Variants in CDYL observed in about 807,000 individuals in gnomAD.
The protein encoded by CDYL is chromodomain Y-like protein.
A neutral mutation model predicts 47.3 loss-of-function variants in CDYL; 8 were observed. The observed-to-expected ratio is 0.17, with a 90% confidence interval of 0.10 to 0.31. The LOEUF (loss-of-function observed/expected upper bound fraction) is 0.31. Ranked by LOEUF, CDYL falls within the 10% of genes least tolerant of loss-of-function variation. The probability of loss-of-function intolerance (pLI) is 1.00; values close to 1 mark genes in which losing one functional copy is unlikely to be tolerated. For synonymous variants in CDYL, 266 were observed against 265.0 expected (o/e 1.00, Z -0.04); for missense variants, 471 against 701.4 (o/e 0.67, Z 3.71).
chr6:4,856,343 G>A (rs1761006102), intron 1 of CDYL, among the ~76,000 whole-genome samples: 2 of 152,220 alleles, frequency 1.3e-5, no homozygotes, highest in Admixed American at 6.5e-5. Context: ...TTTCCTGAGT[G>A]AAGTGAAGAG....
chr6:4,926,777 G>A (rs1286789410), intron 2 of CDYL, among the ~76,000 whole-genome samples: 2 of 151,984 alleles, frequency 1.3e-5, no homozygotes, highest in East Asian at 1.9e-4. Flanking sequence ...TGGAAACATT[G>A]TTGATATCTG....
At chr6:4,804,233 T>C (rs938499698) in intron 1 of CDYL, among the ~76,000 whole-genome samples, 1 of 152,164 alleles carries the variant, frequency 6.6e-6, no homozygotes, top group African/African-American at 2.4e-5. Context: ...AGCAGTGGCC[T>C]CGCCCAGTCA....
intron 2 of CDYL, among the ~76,000 whole-genome samples, chr6:4,729,367 A>G (rs1384529869): frequency 1.3e-5 from 2 of 152,158 alleles, no homozygotes; most frequent in African/African-American, 2.4e-5. Flanking sequence ...ACCAGAATCA[A>G]CAAGTCGACT....
intron 1 of CDYL, among the ~76,000 whole-genome samples, chr6:4,810,968 A>G (rs1759510560): frequency 2.0e-5 from 3 of 152,254 alleles, no homozygotes; most frequent in African/African-American, 7.2e-5. Context: ...ATTTGTGTCT[A>G]TTCAGTTATT....
Position 4,738,820 on chromosome 6 carries a change from G to A in CDYL, c.186+3976G>A, listed in dbSNP as rs542709554. On this transcript the variant is annotated intron_variant, in intron 3 of 8. Transcript: ENST00000328908. ...AAACTACAATGGAACAATATGTGCA[G>A]TATAAACAAAGGAACCAGATTTATA... Among the ~76,000 whole-genome samples, 78 of 152,352 alleles carry A rather than the reference G, an allele frequency of 5.1e-4. 1 individual carries two copies. In the South Asian group the frequency reaches 0.016, roughly 30 times the overall value.
At chr6:4,912,484 G>A (rs958722354) in intron 2 of CDYL, among the ~76,000 whole-genome samples, 7 of 152,266 alleles carry the variant, frequency 4.6e-5, no homozygotes, top group Non-Finnish European at 2.9e-5. Flanking sequence ...TGGCAGGGGC[G>A]GAACGCCGTA....
chr6:4,852,182 C>A (rs903647112), intron 1 of CDYL, among the ~76,000 whole-genome samples: 2 of 152,158 alleles, frequency 1.3e-5, no homozygotes, highest in African/African-American at 4.8e-5. Flanking sequence ...GCTGAATCTT[C>A]AGTGGGTGTT....
Position 4,886,032 on chromosome 6 carries a change from G to T in CDYL, c.25-5681G>T, listed in dbSNP as rs540306980. Among the ~76,000 whole-genome samples the T allele has an allele frequency of 1.3e-5, 2 of 152,150 alleles. 1 individual carries two copies. The highest frequency in any genetic ancestry group is 4.8e-5 in the African/African-American group (2 of 41,492). On this transcript the variant is annotated intron_variant, in intron 1 of 6. Transcript: ENST00000397588. ...ATGTGACTGACTTCTTTTACATAGCGTAAGGTTTTTAAAGTCCATCCATGT... is the reference window on the plus strand; with the variant it reads ...ATGTGACTGACTTCTTTTACATAGCTTAAGGTTTTTAAAGTCCATCCATGT...
intron 1 of CDYL, among the ~76,000 whole-genome samples, chr6:4,871,377 A>G (rs971289197): frequency 6.6e-6 from 1 of 152,176 alleles, no homozygotes; most frequent in Non-Finnish European, 1.5e-5. Context: ...GCTGCCCCAA[A>G]AAGTTTTGGA....
At chr6:4,849,521 A>G (rs1472279439) in intron 1 of CDYL, among the ~76,000 whole-genome samples, 1 of 152,124 alleles carries the variant, frequency 6.6e-6, no homozygotes, top group Non-Finnish European at 1.5e-5. Flanking sequence ...AGTCTTTTGT[A>G]TGTTATGTTG....
At chr6:4,715,801 G>C in exon 2 of CDYL, 2 of 1,614,174 alleles carry the variant, frequency 1.2e-6, no homozygotes, top group East Asian at 2.2e-5. Context: ...GCAAGCCACA[G>C]GTCAGCCTGG....
intron 1 of CDYL, among the ~76,000 whole-genome samples, chr6:4,794,956 G>A (rs1273987466): frequency 6.6e-6 from 1 of 151,886 alleles, no homozygotes; most frequent in Non-Finnish European, 1.5e-5. Flanking sequence ...GTGCAAATAG[G>A]GATAGTTTTT....
intron 2 of CDYL, among the ~76,000 whole-genome samples, chr6:4,925,409 C>CT (rs58457972): frequency 0.67 from 72,987 of 109,226 alleles, 26,274 homozygotes; most frequent in South Asian, 0.86. Flanking sequence ...ATTCTTTTTT[C>CT]TTTTTTTTTT....
At chr6:4,889,667 G>T (rs571169816) in intron 1 of CDYL, among the ~76,000 whole-genome samples, 49 of 152,200 alleles carry the variant, frequency 3.2e-4, no homozygotes, top group African/African-American at 1.1e-3. Context: ...ATTACATATT[G>T]TGTCTCGCTA....
At chr6:4,908,882 A>G (rs1757321643) in intron 2 of CDYL, among the ~76,000 whole-genome samples, 1 of 152,214 alleles carries the variant, frequency 6.6e-6, no homozygotes, top group Admixed American at 6.5e-5. Context: ...GTGCATGGTC[A>G]CATTCTGCCT....
chr6:4,712,390 A>G (rs763362040), intron 1 of CDYL, among the ~76,000 whole-genome samples: 113 of 152,354 alleles, frequency 7.4e-4, no homozygotes, highest in Non-Finnish European at 1.0e-3. Flanking sequence ...AAGGTCCCCA[A>G]CTGAAGGTAG....
At chr6:4,929,523 C>CACACACAT (rs1392146007) in intron 2 of CDYL, among the ~76,000 whole-genome samples, 2 of 148,264 alleles carry the variant, frequency 1.3e-5, no homozygotes, top group Non-Finnish European at 2.9e-5. Context: ...CACACACACA[C>CACACACAT]ACATACATAC....
chr6:4,881,209 T>A (rs1479630711), intron 1 of CDYL, among the ~76,000 whole-genome samples: 3 of 152,182 alleles, frequency 2.0e-5, no homozygotes, highest in African/African-American at 2.4e-5. Context: ...TATTTTTTTC[T>A]AGTTCTCTTT....
At chr6:4,785,903 A>ACCTCAAGGGT (rs1273365387) in intron 1 of CDYL, among the ~76,000 whole-genome samples, 2 of 152,244 alleles carry the variant, frequency 1.3e-5, no homozygotes, top group Non-Finnish European at 2.9e-5. Context: ...ATGGCACTCC[A>ACCTCAAGGGT]AGTCTTGAGG....
Sources: gnomAD v4.1 joint callset for allele counts (sites outside exome capture counted in the v4.1 genomes callset) on GRCh38, gnomAD v4.1.1 for gene constraint, MANE v1.5 for transcripts, NCBI Gene and HGNC (gene_info 2026-07-23, HGNC 2026-07-21) for gene names.